Variants in CADM1 observed in about 807,000 individuals in gnomAD.
CADM1 encodes TSLC-1.
A neutral mutation model predicts 53.1 loss-of-function variants in CADM1; 15 were observed. That is an observed-to-expected ratio of 0.28 (90% CI 0.19 to 0.44). CADM1 has a LOEUF of 0.44. Ranked by LOEUF, CADM1 falls within the 20% of genes least tolerant of loss-of-function variation. CADM1 has a pLI of 1.00. For missense variants in CADM1, 434 were observed against 611.3 expected, an observed-to-expected ratio of 0.71 and a Z score of 3.06; for synonymous variants, 281 against 243.0, an observed-to-expected ratio of 1.16 and a Z score of -1.45.
intron 7 of CADM1, 22 bp downstream of exon 7, chr11:115,214,586 A>G: frequency 6.2e-7 from 1 of 1,607,636 alleles, no homozygotes; most frequent in South Asian, 1.1e-5. Flanking sequence ...CTAGTAGAAG[A>G]GCATTTTATC....
intron 1 of CADM1, among the ~76,000 whole-genome samples, chr11:115,383,848 A>G (rs1177715696): frequency 6.6e-6 from 1 of 152,160 alleles, no homozygotes; most frequent in Non-Finnish European, 1.5e-5. Flanking sequence ...TGAATTTTTA[A>G]GTTAATCATC....
chr11:115,300,010 C>T (rs533581545), intron 1 of CADM1, among the ~76,000 whole-genome samples: 226 of 152,222 alleles, frequency 1.5e-3, no homozygotes, highest in African/African-American at 5.3e-3. Context: ...TCCAAAATTC[C>T]TTTCTGATTG....
At chr11:115,321,820 G>A (rs1591706851) in intron 1 of CADM1, among the ~76,000 whole-genome samples, 1 of 152,164 alleles carries the variant, frequency 6.6e-6, no homozygotes, top group African/African-American at 2.4e-5. Flanking sequence ...AGTGCTGCTT[G>A]AGGAAACCAG....
intron 1 of CADM1, among the ~76,000 whole-genome samples, chr11:115,404,522 A>T (rs555088684): frequency 2.0e-5 from 3 of 149,892 alleles, no homozygotes; most frequent in Non-Finnish European, 4.4e-5. Context: ...CTTTTTAAAT[A>T]AGCAAAAAGC....
At chr11:115,212,208 C>T (rs1180044099) in intron 7 of CADM1, among the ~76,000 whole-genome samples, 2 of 152,140 alleles carry the variant, frequency 1.3e-5, no homozygotes, top group Non-Finnish European at 2.9e-5. Context: ...AGGCACTAAC[C>T]AGCTAGATTC....
At chr11:115,297,623 T>C (rs1185946480) in intron 1 of CADM1, among the ~76,000 whole-genome samples, 2 of 152,206 alleles carry the variant, frequency 1.3e-5, no homozygotes, top group African/African-American at 2.4e-5. Flanking sequence ...AGAATACATC[T>C]TTCTGAAATA....
intron 1 of CADM1, among the ~76,000 whole-genome samples, chr11:115,389,217 A>T (rs1361186475): frequency 6.6e-6 from 1 of 152,188 alleles, no homozygotes; most frequent in African/African-American, 2.4e-5. Context: ...GAATCCGTGT[A>T]AAATGAATAC....
At chr11:115,203,481 G>A (rs1471214578) in intron 8 of CADM1, among the ~76,000 whole-genome samples, 1 of 152,048 alleles carries the variant, frequency 6.6e-6, no homozygotes, top group Non-Finnish European at 1.5e-5. Context: ...TGTTAGATAT[G>A]GGAGGGCTGG....
At chr11:115,226,994 A>G (rs1189182884) in intron 5 of CADM1, among the ~76,000 whole-genome samples, 2 of 152,224 alleles carry the variant, frequency 1.3e-5, no homozygotes, top group East Asian at 3.8e-4. Context: ...TCAGGTTAAT[A>G]TAATGCATTG....
intron 1 of CADM1, among the ~76,000 whole-genome samples, chr11:115,297,361 C>A (rs1041498440): frequency 2.6e-5 from 4 of 152,146 alleles, no homozygotes; most frequent in African/African-American, 9.7e-5. Context: ...TGATCAGGAA[C>A]AAGATTGTAT....
chr11:115,174,236 T>C lies in CADM1; in HGVS notation c.*2238A>G. ...ACAGAAAGATGGGAGGTCCCAAAAATGAGATGCCAATTCTGTGAGCAATGG... is the reference window on the plus strand; with the variant it reads ...ACAGAAAGATGGGAGGTCCCAAAAACGAGATGCCAATTCTGTGAGCAATGG... On this transcript the variant is annotated 3_prime_UTR_variant, in exon 12 of 12. Coordinates refer to ENST00000331581, the MANE Select transcript of CADM1 (RefSeq NM_001301043.2). 1.0e-6 allele frequency: 1 copy of C among 982,126 alleles called. No homozygotes were observed. The highest frequency in any genetic ancestry group is 1.2e-6 in the Non-Finnish European group (1 of 827,154). 60.8% of individuals were successfully genotyped at this position (982,126 alleles called of 1,614,324 possible). A position where few individuals can be genotyped will look rare whatever the true frequency, so the allele number is the denominator to read the frequency against.
At chr11:115,226,679 G>A (rs1011444738) in intron 5 of CADM1, among the ~76,000 whole-genome samples, 18 of 152,162 alleles carry the variant, frequency 1.2e-4, no homozygotes, top group African/African-American at 3.9e-4. Context: ...CGGCTGTGGG[G>A]GGCACTGGAG....
chr11:115,479,225 C>A (rs1949204830), intron 1 of CADM1, among the ~76,000 whole-genome samples: 2 of 151,914 alleles, frequency 1.3e-5, no homozygotes, highest in South Asian at 2.1e-4. Flanking sequence ...GGAATTAAGT[C>A]AAAATGTAAT....
chr11:115,286,429 G>A lies in CADM1; in HGVS notation c.125-46009C>T, dbSNP rs45595941. Among the ~76,000 whole-genome samples, 1,160 of 152,150 alleles carry A rather than the reference G, an allele frequency of 7.6e-3. 18 individuals are homozygous for A. Among genetic ancestry groups the A allele is most frequent in the Non-Finnish European group, 7.7e-3 (526 of 68,004 alleles). The stretch of plus-strand genomic sequence containing the variant: ...TATTAGCCATTCTGTTAAGGCTCAG[G>A]GCATTCAGCTTATATACAAAACTGA... On this transcript the variant is annotated intron_variant, in intron 1 of 11. Transcript: ENST00000331581.
chr11:115,313,212 G>A (rs1944576230), intron 1 of CADM1, among the ~76,000 whole-genome samples: 1 of 152,100 alleles, frequency 6.6e-6, no homozygotes, highest in Admixed American at 6.5e-5. Context: ...TGAATGACTA[G>A]CATACCAGTA....
At chr11:115,397,777 C>A (rs1947041180) in intron 1 of CADM1, 2 of 152,000 alleles carry the variant, frequency 1.3e-5, no homozygotes, top group Non-Finnish European at 2.9e-5. Context: ...CAGGCATGCA[C>A]CCCTTTGCTA....
At chr11:115,501,796 A>G (rs1949732324) in intron 1 of CADM1, among the ~76,000 whole-genome samples, 1 of 152,156 alleles carries the variant, frequency 6.6e-6, no homozygotes, top group South Asian at 2.1e-4. Flanking sequence ...CCTCTGAGAA[A>G]GCTTAAACAG....
chr11:115,402,750 T>C (rs1045076808), intron 1 of CADM1, among the ~76,000 whole-genome samples: 1 of 152,118 alleles, frequency 6.6e-6, no homozygotes, highest in South Asian at 2.1e-4. Flanking sequence ...TTTGACTACA[T>C]ACTCCGTTTA....
At chr11:115,313,438 C>A (rs1241487507) in intron 1 of CADM1, among the ~76,000 whole-genome samples, 1 of 152,086 alleles carries the variant, frequency 6.6e-6, no homozygotes, top group Non-Finnish European at 1.5e-5. Flanking sequence ...CCAGTTAGTA[C>A]AATTTATAAA....
Sources: gnomAD v4.1 joint callset for allele counts (sites outside exome capture counted in the v4.1 genomes callset) on GRCh38, gnomAD v4.1.1 for gene constraint, MANE v1.5 for transcripts, NCBI Gene and HGNC (gene_info 2026-07-23, HGNC 2026-07-21) for gene names.